NRXN3: variants seen among roughly 807,000 people sequenced by gnomAD.
NRXN3 encodes neurexin III.
Under a neutral mutation model 137.6 loss-of-function variants are expected in NRXN3, and 32 were observed. The observed-to-expected ratio is 0.23, with a 90% CI of 0.18 to 0.31. The LOEUF (loss-of-function observed/expected upper bound fraction) is 0.31. NRXN3 is among the 10% of genes least tolerant of loss of function. NRXN3 has a pLI of 1.00. For synonymous variants in NRXN3, 798 were observed against 784.5 expected (o/e 1.02, Z -0.29); for missense variants, 1,574 against 2,062.5 (o/e 0.76, Z 4.59).
Position 78,511,257 on chromosome 14 carries a change from C to T in NRXN3, c.758-133863C>T, listed in dbSNP as rs550060908. Among the ~76,000 whole-genome samples, 6 of 152,272 alleles carry T rather than the reference C, an allele frequency of 3.9e-5. No individual in the cohort carries two copies. The East Asian group carries it at 1.2e-3, about 29-fold the overall frequency. On this transcript the variant is annotated intron_variant, in intron 4 of 20. Transcript: ENST00000335750. Reference sequence around the variant, plus strand: ...TGGGGACATTGGGCGTGTTTTAAGCCATATGCTCATAACCTTTGTGTCATG... The same window carrying T: ...TGGGGACATTGGGCGTGTTTTAAGCTATATGCTCATAACCTTTGTGTCATG...
intron 10 of NRXN3, among the ~76,000 whole-genome samples, chr14:78,927,516 C>A (rs2099309166): frequency 6.6e-6 from 1 of 152,158 alleles, no homozygotes; most frequent in Non-Finnish European, 1.5e-5. Flanking sequence ...ACAGCGCTGG[C>A]AGCTTCAGCA....
chr14:79,551,314 A>G (rs1231667179), intron 16 of NRXN3, among the ~76,000 whole-genome samples: 1 of 152,194 alleles, frequency 6.6e-6, no homozygotes, highest in African/African-American at 2.4e-5. Flanking sequence ...AAGGAGCATG[A>G]GAGTCAGGGG....
At chr14:78,456,859 C>CTTTCTTTTTCTT in intron 4 of NRXN3, among the ~76,000 whole-genome samples, 1 of 81,310 alleles carries the variant, frequency 1.2e-5, no homozygotes, top group East Asian at 3.8e-4. Context: ...CTTTCTTTTT[C>CTTTCTTTTTCTT]TCTTTCTTTC....
intron 15 of NRXN3, among the ~76,000 whole-genome samples, chr14:79,270,599 T>C (rs1472750188): frequency 1.3e-5 from 2 of 152,154 alleles, no homozygotes; most frequent in Non-Finnish European, 2.9e-5. Flanking sequence ...AATTCATGAT[T>C]CCATGAATCA....
intron 14 of NRXN3, among the ~76,000 whole-genome samples, chr14:78,983,805 C>T (rs1361144291): frequency 4.8e-5 from 7 of 146,044 alleles, no homozygotes; most frequent in South Asian, 4.3e-4. Flanking sequence ...TGCAGTGAGC[C>T]GAGATCATGC....
intron 15 of NRXN3, among the ~76,000 whole-genome samples, chr14:79,436,653 C>T (rs2095850223): frequency 1.3e-5 from 2 of 152,132 alleles, no homozygotes; most frequent in Admixed American, 1.3e-4. Flanking sequence ...TAAGAAAAGA[C>T]ATACTGTTTG....
chr14:78,305,870 T>C (rs1453807176), intron 4 of NRXN3, among the ~76,000 whole-genome samples: 1 of 152,246 alleles, frequency 6.6e-6, no homozygotes, highest in African/African-American at 2.4e-5. Context: ...GTTTTCCATG[T>C]ATTTTTTCTT....
intron 4 of NRXN3, among the ~76,000 whole-genome samples, chr14:78,520,198 A>G (rs1437580968): frequency 6.6e-6 from 1 of 152,140 alleles, no homozygotes; most frequent in Non-Finnish European, 1.5e-5. Context: ...CTTGGATACT[A>G]CCTGTCCAAT....
chr14:79,489,856 G>A (rs982095403), intron 16 of NRXN3, among the ~76,000 whole-genome samples: 5 of 151,916 alleles, frequency 3.3e-5, no homozygotes, highest in East Asian at 1.9e-4. Flanking sequence ...TGGCTAACAC[G>A]TTGAAACTCC....
intron 8 of NRXN3, among the ~76,000 whole-genome samples, chr14:78,733,603 A>G (rs1374099688): frequency 1.3e-5 from 2 of 152,182 alleles, no homozygotes; most frequent in African/African-American, 4.8e-5. Context: ...TCCCAGAGAG[A>G]AAATATTCCT....
At chr14:79,438,439 C>T (rs905263839) in intron 15 of NRXN3, among the ~76,000 whole-genome samples, 1 of 152,126 alleles carries the variant, frequency 6.6e-6, no homozygotes, top group Non-Finnish European at 1.5e-5. Context: ...GGGCGGCTTC[C>T]AAAGTGGTTC....
chr14:78,328,446 C>T (rs557179422), intron 4 of NRXN3, among the ~76,000 whole-genome samples: 13 of 152,090 alleles, frequency 8.5e-5, no homozygotes, highest in South Asian at 4.2e-4. Flanking sequence ...AACTATTTGA[C>T]GCAATAGAAT....
chr14:79,468,495 C>T (rs1050460643), intron 16 of NRXN3, among the ~76,000 whole-genome samples: 3 of 152,184 alleles, frequency 2.0e-5, no homozygotes, highest in African/African-American at 2.4e-5. Context: ...AAAAGATCAA[C>T]TGGGGATTAC....
intron 8 of NRXN3, among the ~76,000 whole-genome samples, chr14:78,767,531 G>A (rs573400402): frequency 2.0e-5 from 3 of 152,162 alleles, no homozygotes; most frequent in African/African-American, 7.2e-5. Context: ...CAATACCCCT[G>A]GCATGTGTCG....
At chr14:78,651,081 C>A in intron 5 of NRXN3, 84 bp from the exon 6 acceptor site, 1 of 1,248,326 alleles carries the variant, frequency 8.0e-7, no homozygotes, top group Non-Finnish European at 1.1e-6. Context: ...GAAAGTGATG[C>A]CACAAGTAGG....
At position 78,741,438 on chromosome 14, in the gene NRXN3, A is replaced by C. The variant is rs570537852; in HGVS notation, c.2044+26299A>C. On this transcript the variant is annotated intron_variant, in intron 8 of 20. Coordinates refer to ENST00000335750, the MANE Select transcript of NRXN3 (RefSeq NM_001330195.2). ...TGCAAGGGAGTGATAGAAATATATA[A>C]CTCACAAATCATTATAGCTTCTCAA... Among the ~76,000 whole-genome samples the C allele has an allele frequency of 2.6e-5, 4 of 152,166 alleles. No homozygotes were observed. The South Asian group carries it at 8.3e-4, about 32-fold the overall frequency.
At chr14:78,174,975 C>A (rs938012364) in intron 1 of NRXN3, among the ~76,000 whole-genome samples, 2 of 152,138 alleles carry the variant, frequency 1.3e-5, no homozygotes, top group African/African-American at 4.8e-5. Flanking sequence ...TCTTGCTCCC[C>A]TGGCATCAGC....
intron 15 of NRXN3, chr14:79,280,558 A>C: frequency 1.2e-6 from 2 of 1,602,348 alleles, no homozygotes; most frequent in Non-Finnish European, 1.7e-6. Context: ...TCTGCTCTTT[A>C]TCCTTTTAAT....
chr14:78,797,149 G>A (rs1317038221), intron 8 of NRXN3, among the ~76,000 whole-genome samples: 1 of 152,200 alleles, frequency 6.6e-6, no homozygotes, highest in Non-Finnish European at 1.5e-5. Context: ...GAACCTTTCT[G>A]AGGGGGGAGA....
Sources: allele counts gnomAD v4.1 joint callset (sites outside exome capture counted in the v4.1 genomes callset), GRCh38; gene constraint gnomAD v4.1.1; transcripts MANE v1.5; gene names NCBI Gene and HGNC (gene_info 2026-07-23, HGNC 2026-07-21).